Variants in PCNT observed in about 807,000 individuals in gnomAD.
PCNT encodes pericentrin, also known as kendrin.
In PCNT, 319 loss-of-function variants were observed where a neutral mutation model predicts 380.4. The observed-to-expected ratio is 0.84, with a 90% CI of 0.77 to 0.92. The LOEUF is 0.92. PCNT is among the 40% of genes least tolerant of loss of function. PCNT has a pLI of 0.00. For missense variants in PCNT, 4,400 were observed against 4,255.3 expected, an observed-to-expected ratio of 1.03 and a Z score of -0.95; for synonymous variants, 1,845 against 1,735.2, an observed-to-expected ratio of 1.06 and a Z score of -1.57.
At chr21:46,378,781 C>T (rs1245024359) in intron 15 of PCNT, among the ~76,000 whole-genome samples, 1 of 152,214 alleles carries the variant, frequency 6.6e-6, no homozygotes, top group Non-Finnish European at 1.5e-5. Flanking sequence ...TTAATACCAA[C>T]TTAATTTTAA....
At chr21:46,332,849 C>T (rs1043435639) in intron 2 of PCNT, among the ~76,000 whole-genome samples, 17 of 152,214 alleles carry the variant, frequency 1.1e-4, no homozygotes, top group African/African-American at 4.1e-4. Context: ...TGGCTCATGC[C>T]TGTATTGCCA....
At chr21:46,380,609 T>G in intron 15 of PCNT, among the ~76,000 whole-genome samples, 1 of 152,110 alleles carries the variant, frequency 6.6e-6, no homozygotes, top group East Asian at 1.9e-4. Flanking sequence ...CTACTGGTTT[T>G]CAGGGCTGTT....
Position 46,331,930 on chromosome 21 carries a change from C to T in PCNT, c.268-2467C>T, listed in dbSNP as rs184873516. ...ATCCCAGCACTTTGGGAGGCCAAGG[C>T]AGGAAGATCACCTGAGGTCAGGAGT... On this transcript the variant is annotated intron_variant, in intron 2 of 46. Coordinates refer to ENST00000359568, the MANE Select transcript of PCNT (RefSeq NM_006031.6). Among the ~76,000 whole-genome samples the T allele has an allele frequency of 4.2e-3, 634 of 152,246 alleles. 3 individuals are homozygous for T. Among genetic ancestry groups the T allele is most frequent in the Non-Finnish European group, 6.1e-3 (414 of 68,022 alleles).
rs749444257 is a variant in PCNT at position 46,443,863 on chromosome 21, A to C, written c.9754A>C (p.Thr3252Pro). 1.2e-6 allele frequency: 2 copies of C among 1,612,944 alleles called. No individual in the cohort carries two copies. Among genetic ancestry groups the C allele is most frequent in the Non-Finnish European group, 1.7e-6 (2 of 1,179,866 alleles). Residue 3252 changes from threonine (T) to proline (P), a missense_variant, in exon 45 of 47, where the codon ACC becomes CCC. By Grantham distance (38) the Thr-to-Pro change is conservative. Coordinates refer to ENST00000359568, the MANE Select transcript of PCNT (RefSeq NM_006031.6). ...SPPRTRESPP[T>P]RDVPSGHTRD... ...ACCCAGAACCAGAGAGTCCCCCCCAACCCGGGATGTACCCTCTGGCCACAC... is the reference window on the plus strand; with the variant it reads ...ACCCAGAACCAGAGAGTCCCCCCCACCCCGGGATGTACCCTCTGGCCACAC...
chr21:46,435,260 T>G (rs924142230), intron 38 of PCNT, among the ~76,000 whole-genome samples: 10 of 151,776 alleles, frequency 6.6e-5, no homozygotes, highest in African/African-American at 2.2e-4. Flanking sequence ...GGAGTCTCAC[T>G]CTGTCGCCAG....
At chr21:46,346,292 GT>G in intron 4 of PCNT, 84 bp downstream of exon 4, 1 of 694,072 alleles carries the variant, frequency 1.4e-6, no homozygotes, top group Non-Finnish European at 2.6e-6. Flanking sequence ...TGGGGGTGGG[GT>G]GGGCGCTGCC....
At chr21:46,379,968 T>C (rs148547816) in intron 15 of PCNT, among the ~76,000 whole-genome samples, 201 of 152,156 alleles carry the variant, frequency 1.3e-3, no homozygotes, top group African/African-American at 4.1e-3. Context: ...GTTCACACCT[T>C]GTAGAGTCCC....
intron 2 of PCNT, among the ~76,000 whole-genome samples, chr21:46,332,328 T>C (rs1202358767): frequency 1.3e-5 from 2 of 152,230 alleles, no homozygotes; most frequent in East Asian, 1.9e-4. Context: ...AAAATAGTTA[T>C]CACCATTTAT....
In PCNT at chr21:46,346,881, C is replaced by A; in HGVS notation, c.859C>A (p.Arg287=). The change falls in exon 5 of 47, where the codon CGG becomes AGG. Residue 287 remains arginine, a synonymous_variant. Transcript: ENST00000359568. ...LTELREMLNS[R]RAQELALLQS... is the part of the protein sequence containing the mutation. ...GGAGCTGCGGGAGATGCTCAACAGC[C>A]GGCGTGCCCAGGAGCTGGCCCTGCT... 1 of 1,607,554 alleles carries A rather than the reference C, an allele frequency of 6.2e-7. No individual in the cohort carries two copies. The highest frequency in any genetic ancestry group is 1.1e-5 in the South Asian group (1 of 89,614).
chr21:46,393,329 T>C (rs1369259379), intron 21 of PCNT, among the ~76,000 whole-genome samples: 1 of 152,196 alleles, frequency 6.6e-6, no homozygotes, highest in Non-Finnish European at 1.5e-5. Flanking sequence ...TCAGGGTGTT[T>C]TCAGGAACGT....
In PCNT at chr21:46,367,153, G is replaced by A; in HGVS notation, c.3165+14G>A. 1 of 1,608,708 alleles carries A rather than the reference G, an allele frequency of 6.2e-7. No homozygotes were observed. The highest frequency in any genetic ancestry group is 8.5e-7 in the Non-Finnish European group (1 of 1,178,912). On this transcript the variant is annotated intron_variant, in intron 15 of 46. Transcript: ENST00000359568. The stretch of plus-strand genomic sequence containing the variant: ...GGAGTGCACCAGGTAAGGCGCCAGG[G>A]CCCTGCCCCAGCCCAGGGCAGGCCT...
chr21:46,398,431 T>C (rs181172501), intron 24 of PCNT, among the ~76,000 whole-genome samples, 176 bp downstream of exon 24: 1 of 152,390 alleles, frequency 6.6e-6, no homozygotes, highest in African/African-American at 2.4e-5. Flanking sequence ...AAAAAATTAA[T>C]GGTGGATTCA....
intron 3 of PCNT, among the ~76,000 whole-genome samples, chr21:46,344,519 A>G (rs192155427): frequency 1.6e-3 from 249 of 152,310 alleles, no homozygotes; most frequent in African/African-American, 5.7e-3. Context: ...AGCTTTTGCA[A>G]CTGTATCAAG....
At chr21:46,416,006 A>C in intron 29 of PCNT, 63 bp from the exon 30 acceptor site, 1 of 1,549,808 alleles carries the variant, frequency 6.5e-7, no homozygotes, top group Non-Finnish European at 8.9e-7. Flanking sequence ...CATTAACACC[A>C]GACAGGTGCG....
chr21:46,386,639 G>A (rs2085848385), intron 17 of PCNT, among the ~76,000 whole-genome samples: 1 of 152,258 alleles, frequency 6.6e-6, no homozygotes, highest in Non-Finnish European at 1.5e-5. Context: ...CACCTGCAGT[G>A]ATGCTGTCCA....
chr21:46,333,335 G>A (rs2146337997), intron 2 of PCNT, among the ~76,000 whole-genome samples: 1 of 152,092 alleles, frequency 6.6e-6, no homozygotes, highest in East Asian at 1.9e-4. Flanking sequence ...AGGAGGCTGA[G>A]GCAGGAGAAT....
Position 46,440,214 on chromosome 21 carries a change from GC to G in PCNT, c.9393+14del, listed in dbSNP as rs2053570715. 1 of 1,613,780 alleles carries G rather than the reference GC, an allele frequency of 6.2e-7. No individual in the cohort carries two copies. The highest frequency in any genetic ancestry group is 1.7e-5 in the Admixed American group (1 of 60,030). ...CCAGCAATGTCAAGGTAGGAACGGTGCCACGAGTATAGAACTTTGGTGCTTT... is the reference window on the plus strand; with the variant it reads ...CCAGCAATGTCAAGGTAGGAACGGTGCACGAGTATAGAACTTTGGTGCTTT... On this transcript the variant is annotated intron_variant, in intron 42 of 46. Coordinates refer to ENST00000359568, the MANE Select transcript of PCNT (RefSeq NM_006031.6).
At chr21:46,423,336 G>A (rs919779475) in intron 32 of PCNT, among the ~76,000 whole-genome samples, 5 of 150,966 alleles carry the variant, frequency 3.3e-5, no homozygotes, top group East Asian at 2.0e-4. Flanking sequence ...GATTACAGGC[G>A]TGAGCCACCA....
At chr21:46,437,712 C>A (rs1041987087) in intron 40 of PCNT, among the ~76,000 whole-genome samples, 5 of 152,336 alleles carry the variant, frequency 3.3e-5, no homozygotes, top group Admixed American at 3.3e-4. Context: ...AGGGGAGCTG[C>A]GCCGCTTACC....
Sources: gnomAD v4.1 joint callset for allele counts (sites outside exome capture counted in the v4.1 genomes callset) on GRCh38, gnomAD v4.1.1 for gene constraint, MANE v1.5 for transcripts, NCBI Gene and HGNC (gene_info 2026-07-23, HGNC 2026-07-21) for gene names.